The following ALLC variants were observed in gnomAD, a reference collection of about 807,000 sequenced individuals.
ALLC encodes the protein allantoicase.
ALLC carries 40 observed loss-of-function variants against 45.0 expected under a neutral mutation model. The ratio of observed to expected loss-of-function variants is 0.89; its 90% CI spans 0.69 to 1.16. The LOEUF (loss-of-function observed/expected upper bound fraction) is 1.16, where lower values mean the gene tolerates loss of function less well. Among genes scored for constraint, ALLC ranks in the 50% most tolerant of loss-of-function variants. The pLI is 0.00. For missense variants in ALLC, 488 were observed against 493.1 expected, an observed-to-expected ratio of 0.99 and a Z score of 0.10; for synonymous variants, 176 against 178.1, an observed-to-expected ratio of 0.99 and a Z score of 0.09.
At chr2:3,674,027 A>G in intron 2 of ALLC, 48 bp from the exon 3 acceptor site, 1 of 1,347,880 alleles carries the variant, frequency 7.4e-7, no homozygotes, top group Non-Finnish European at 1.0e-6. Context: ...ATAAAATGGT[A>G]TCAGATTTAT....
intron 1 of ALLC, 65 bp from the exon 2 acceptor site, chr2:3,671,031 C>A (rs1402894541): frequency 8.9e-6 from 8 of 903,724 alleles, no homozygotes; most frequent in East Asian, 5.3e-5. Flanking sequence ...GCGTCAGGAG[C>A]CTAGACGGGG....
chr2:3,690,257 CCCTT>C (rs1346879279), intron 7 of ALLC, among the ~76,000 whole-genome samples: 3 of 20,360 alleles, frequency 1.5e-4, no homozygotes, highest in Admixed American at 5.4e-4. Flanking sequence ...CCCTTCCCTT[CCCTT>C]CCCTCCCCCC....
chr2:3,672,893 A>G (rs1010151546), intron 2 of ALLC, among the ~76,000 whole-genome samples: 1 of 152,274 alleles, frequency 6.6e-6, no homozygotes, highest in Non-Finnish European at 1.5e-5. Context: ...TGTGCTCAGA[A>G]GCAGTGTGTC....
intron 2 of ALLC, among the ~76,000 whole-genome samples, chr2:3,672,357 G>C (rs1222681998): frequency 6.7e-5 from 6 of 89,008 alleles, no homozygotes; most frequent in South Asian, 3.5e-4. Flanking sequence ...CTGGTTAGAT[G>C]GGAGGTCCTC....
chr2:3,657,771 T>G (rs75702698), upstream of ALLC, among the ~76,000 whole-genome samples: 3,070 of 152,104 alleles, frequency 0.02, 45 homozygotes, highest in Non-Finnish European at 0.028. Flanking sequence ...CCATGAAAAT[T>G]TTGTGTGTAT....
chr2:3,651,334 T>G, the ALLC span, among the ~76,000 whole-genome samples: 366 of 1,216 alleles, frequency 0.3, 107 homozygotes, highest in African/African-American at 0.53. Flanking sequence ...TGTGTGTGTG[T>G]GTGTGTGTGT....
chr2:3,671,837 T>G (rs1462412412), intron 2 of ALLC, among the ~76,000 whole-genome samples: 5,698 of 25,856 alleles, frequency 0.22, 912 homozygotes, highest in African/African-American at 0.38. Flanking sequence ...CTGGTTAGAT[T>G]GGAGGTCCTC....
At chr2:3,665,516 G>A (rs935551063) in intron 1 of ALLC, among the ~76,000 whole-genome samples, 1 of 152,052 alleles carries the variant, frequency 6.6e-6, no homozygotes. Flanking sequence ...TCCTGCGTCC[G>A]TGTGTTCTCA....
chr2:3,683,680 T>C (rs916813359), intron 7 of ALLC, among the ~76,000 whole-genome samples: 32 of 152,224 alleles, frequency 2.1e-4, no homozygotes, highest in African/African-American at 7.7e-4. Flanking sequence ...TTCCACTTAG[T>C]ATAATGTTTT....
intron 1 of ALLC, among the ~76,000 whole-genome samples, chr2:3,669,646 T>G (rs192362908): frequency 3.1e-4 from 47 of 151,942 alleles, no homozygotes; most frequent in Non-Finnish European, 5.6e-4. Context: ...AGACTCCATC[T>G]CAAAAATAAA....
At chr2:3,650,012 T>C in the ALLC span, among the ~76,000 whole-genome samples, 4 of 152,224 alleles carry the variant, frequency 2.6e-5, no homozygotes. Flanking sequence ...ATTTGTTCTG[T>C]GAGGAACTGG....
chr2:3,665,736 C>A (rs559346981), intron 1 of ALLC, among the ~76,000 whole-genome samples: 6 of 152,144 alleles, frequency 3.9e-5, no homozygotes, highest in Non-Finnish European at 4.4e-5. Flanking sequence ...GGGTTGATTC[C>A]GTGTCTTTGC....
At chr2:3,678,356 C>T in intron 3 of ALLC, 112 bp from the exon 4 acceptor site, 1 of 858,224 alleles carries the variant, frequency 1.2e-6, no homozygotes, top group Non-Finnish European at 1.9e-6. Flanking sequence ...AGAGGCTCCC[C>T]TAGACCCCGG....
At chr2:3,679,286 A>G (rs891006994) in intron 4 of ALLC, among the ~76,000 whole-genome samples, 5 of 152,242 alleles carry the variant, frequency 3.3e-5, no homozygotes, top group Non-Finnish European at 7.3e-5. Context: ...CAAGAACTCA[A>G]TAGTGGCAGA....
intron 1 of ALLC, among the ~76,000 whole-genome samples, chr2:3,664,585 T>G (rs1666648736): frequency 6.6e-6 from 1 of 152,150 alleles, no homozygotes; most frequent in African/African-American, 2.4e-5. Flanking sequence ...TTTCTGCCAA[T>G]TAAGGCAGAT....
In ALLC at chr2:3,678,499, A is replaced by G; in HGVS notation, c.116A>G (p.Tyr39Cys). 1 of 1,614,072 alleles carries G rather than the reference A, an allele frequency of 6.2e-7. No individual in the cohort carries two copies. The highest frequency in any genetic ancestry group is 8.5e-7 in the Non-Finnish European group (1 of 1,179,890). Residue 39 changes from tyrosine to cysteine, a missense_variant, in exon 4 of 12, where the codon TAT (tyrosine) becomes TGT (cysteine). Physicochemically the swap from Tyr to Cys is radical, Grantham distance 194. Transcript: ENST00000252505. ...AGCCCGTGCTTCAAAGAGCATGAATATACGGAGTTTGGGAAATGGATGGAT... is the reference window on the plus strand; with the variant it reads ...AGCCCGTGCTTCAAAGAGCATGAATGTACGGAGTTTGGGAAATGGATGGAT... The part of the protein sequence containing the change: ...SDSPCFKEHE[Y>C]TEFGKWMDGW...
rs138707066 is a variant in ALLC, at chr2:3,701,480, G to A, written c.851-32G>A. 17 of 1,552,566 alleles carry A rather than the reference G, an allele frequency of 1.1e-5. No individual in the cohort carries two copies. In the East Asian group the frequency reaches 4.0e-4, roughly 36 times the overall value. On this transcript the variant is annotated intron_variant, in intron 10 of 11. Transcript: ENST00000252505. ...TACGCCAAACTGAGTGCAAATGCGG[G>A]CAGAAAATCACGCTGTGTTTTGCTC...
chr2:3,694,500 G>A (rs1250318191), intron 7 of ALLC: 1 of 152,166 alleles, frequency 6.6e-6, no homozygotes, highest in African/African-American at 2.4e-5. Flanking sequence ...AGCAAGTTTG[G>A]ATATTAACTC....
chr2:3,669,303 C>T (rs1197067572), intron 1 of ALLC, among the ~76,000 whole-genome samples: 1 of 152,176 alleles, frequency 6.6e-6, no homozygotes, highest in African/African-American at 2.4e-5. Context: ...AAAACCCCGT[C>T]TCTACTAAAA....
Sources: gnomAD v4.1 joint callset for allele counts (sites outside exome capture counted in the v4.1 genomes callset) on GRCh38, gnomAD v4.1.1 for gene constraint, MANE v1.5 for transcripts, NCBI Gene and HGNC (gene_info 2026-07-23, HGNC 2026-07-21) for gene names.